B3GALT1: variants seen among roughly 807,000 people sequenced by gnomAD.
The protein encoded by B3GALT1 is beta-1,3-galactosyltransferase 1.
In B3GALT1, 10 loss-of-function variants were observed where a neutral mutation model predicts 23.2. The ratio of observed to expected loss-of-function variants is 0.43; its 90% CI spans 0.27 to 0.73. The LOEUF (loss-of-function observed/expected upper bound fraction) is 0.73. Ranked by LOEUF, B3GALT1 falls within the 30% of genes least tolerant of loss-of-function variation. The pLI is 0.21. For synonymous variants in B3GALT1, 156 were observed against 141.5 expected, an observed-to-expected ratio of 1.10 and a Z score of -0.73; for missense variants, 299 against 405.4, an observed-to-expected ratio of 0.74 and a Z score of 2.25.
intron 4 of B3GALT1, among the ~76,000 whole-genome samples, chr2:167,821,460 G>C (rs974133106): frequency 1.4e-5 from 2 of 145,962 alleles, no homozygotes; most frequent in African/African-American, 5.1e-5. Context: ...TTTTGAGACG[G>C]AGTTTCACTC....
chr2:167,509,478 T>C (rs1292584684), intron 2 of B3GALT1, among the ~76,000 whole-genome samples: 2 of 152,110 alleles, frequency 1.3e-5, no homozygotes, highest in Non-Finnish European at 2.9e-5. Flanking sequence ...ATAGGTATTT[T>C]AAAGGGTGAT....
chr2:167,449,782 G>C (rs1388543220), intron 1 of B3GALT1, among the ~76,000 whole-genome samples: 1 of 152,022 alleles, frequency 6.6e-6, no homozygotes, highest in Non-Finnish European at 1.5e-5. Context: ...TGCCGATTTT[G>C]CTGAGGGTTT....
chr2:167,339,997 T>C (rs1238251004), intron 1 of B3GALT1, among the ~76,000 whole-genome samples: 1 of 152,148 alleles, frequency 6.6e-6, no homozygotes, highest in Non-Finnish European at 1.5e-5. Flanking sequence ...GGTTTTCAAA[T>C]GCATGTACAT....
intron 1 of B3GALT1, among the ~76,000 whole-genome samples, chr2:167,363,782 A>G (rs1055961899): frequency 3.3e-5 from 5 of 152,144 alleles, no homozygotes; most frequent in African/African-American, 9.7e-5. Flanking sequence ...CTGATTCCCA[A>G]CATCTTAGTA....
intron 2 of B3GALT1, among the ~76,000 whole-genome samples, chr2:167,583,167 C>T (rs1412346904): frequency 6.6e-6 from 1 of 152,226 alleles, no homozygotes; most frequent in Non-Finnish European, 1.5e-5. Flanking sequence ...GATTAAGCCT[C>T]ATGAGTCAGA....
chr2:167,544,446 C>T (rs568793031), intron 2 of B3GALT1, among the ~76,000 whole-genome samples: 1 of 152,136 alleles, frequency 6.6e-6, no homozygotes, highest in East Asian at 1.9e-4. Context: ...AGGTGTAGGC[C>T]GCCACGCGTG....
intron 2 of B3GALT1, among the ~76,000 whole-genome samples, chr2:167,517,760 T>A (rs16853694): frequency 0.024 from 3,721 of 152,172 alleles, 148 homozygotes; most frequent in African/African-American, 0.085. Flanking sequence ...CTACTTTTAC[T>A]TTCTTTGACA....
chr2:167,593,915 G>A (rs1684728263), intron 2 of B3GALT1, among the ~76,000 whole-genome samples: 2 of 152,124 alleles, frequency 1.3e-5, no homozygotes, highest in Admixed American at 1.3e-4. Flanking sequence ...GAGGAGATAG[G>A]CCAAAACTAT....
chr2:167,614,371 A>C (rs768239382), intron 2 of B3GALT1, among the ~76,000 whole-genome samples: 5 of 151,818 alleles, frequency 3.3e-5, no homozygotes, highest in Non-Finnish European at 4.4e-5. Flanking sequence ...TAAAAAAAAA[A>C]ACTACAAAAT....
chr2:167,486,017 T>G (rs28439206), intron 1 of B3GALT1, among the ~76,000 whole-genome samples: 7,054 of 152,230 alleles, frequency 0.046, 538 homozygotes, highest in African/African-American at 0.16. Context: ...TGTACCACAA[T>G]TATGTATCTA....
At chr2:167,438,243 G>A (rs1698817284) in intron 1 of B3GALT1, among the ~76,000 whole-genome samples, 1 of 152,202 alleles carries the variant, frequency 6.6e-6, no homozygotes, top group Admixed American at 6.5e-5. Flanking sequence ...TTGCCCTCCA[G>A]CCTCAAGTAT....
At chr2:167,527,651 T>C (rs1683244647) in intron 2 of B3GALT1, among the ~76,000 whole-genome samples, 2 of 152,208 alleles carry the variant, frequency 1.3e-5, no homozygotes, top group Non-Finnish European at 2.9e-5. Flanking sequence ...TGACTCCATA[T>C]TGCATGCTTT....
chr2:167,465,605 T>C (rs1699332447), intron 1 of B3GALT1, among the ~76,000 whole-genome samples: 1 of 152,174 alleles, frequency 6.6e-6, no homozygotes, highest in African/African-American at 2.4e-5. Flanking sequence ...CTTAATAACC[T>C]CTTGAATGTC....
rs80195638 is a variant in B3GALT1 at position 167,421,118 on chromosome 2, A to T, written c.-510-69059A>T. On this transcript the variant is annotated intron_variant, in intron 1 of 4. Coordinates refer to ENST00000392690, the MANE Select transcript of B3GALT1 (RefSeq NM_020981.4). The stretch of plus-strand genomic sequence containing the variant: ...AAAATAATTAAAAATCAAGATACTA[A>T]TTGTCTGGTATTTCACTGTCTGTTG... 9.9e-4 allele frequency among the ~76,000 whole-genome samples: 151 copies of T among 152,292 alleles called. 1 individual carries two copies. The East Asian group carries it at 0.013, about 13-fold the overall frequency.
At chr2:167,649,183 T>C (rs984931438) in intron 3 of B3GALT1, among the ~76,000 whole-genome samples, 11 of 152,256 alleles carry the variant, frequency 7.2e-5, no homozygotes, top group Admixed American at 5.9e-4. Flanking sequence ...GATTTACTTT[T>C]TAATATTAGT....
In B3GALT1 at chr2:167,597,629, C is replaced by A. The variant is rs76351296; in HGVS notation, c.-409-49280C>A. Among the ~76,000 whole-genome samples the A allele has an allele frequency of 1.8e-3, 281 of 152,302 alleles. 2 individuals carry two copies. The East Asian group carries it at 0.035, about 19-fold the overall frequency. Reference sequence around the variant, plus strand: ...CTGTTTCCCCTGAACTAGCTCCAGTCTGCAAAGCCCTCCGTGTTGCCTGAC... The same window carrying A: ...CTGTTTCCCCTGAACTAGCTCCAGTATGCAAAGCCCTCCGTGTTGCCTGAC... On this transcript the variant is annotated intron_variant, in intron 2 of 4. Coordinates refer to ENST00000392690, the MANE Select transcript of B3GALT1 (RefSeq NM_020981.4).
chr2:167,568,772 AT>A (rs549718014), intron 2 of B3GALT1, among the ~76,000 whole-genome samples: 19 of 148,804 alleles, frequency 1.3e-4, no homozygotes, highest in Non-Finnish European at 1.8e-4. Context: ...CATGTCTTTG[AT>A]TTTTTTTTTA....
chr2:167,521,743 A>G (rs1236484415), intron 2 of B3GALT1, among the ~76,000 whole-genome samples: 4 of 151,950 alleles, frequency 2.6e-5, no homozygotes, highest in Non-Finnish European at 5.9e-5. Flanking sequence ...CTCTACTACC[A>G]TTATTTTAAA....
At chr2:167,477,882 C>T (rs896564941) in intron 1 of B3GALT1, among the ~76,000 whole-genome samples, 31 of 152,120 alleles carry the variant, frequency 2.0e-4, no homozygotes, top group African/African-American at 7.5e-4. Flanking sequence ...AAGAAAACAA[C>T]AAAAACACAT....
Sources: allele counts gnomAD v4.1 joint callset (sites outside exome capture counted in the v4.1 genomes callset), GRCh38; gene constraint gnomAD v4.1.1; transcripts MANE v1.5; gene names NCBI Gene and HGNC (gene_info 2026-07-23, HGNC 2026-07-21).